The following GNA12 variants were observed in gnomAD, a reference collection of about 807,000 sequenced individuals.
GNA12 encodes G protein subunit alpha 12, also known as guanine nucleotide-binding protein subunit alpha-12.
A neutral mutation model predicts 26.0 loss-of-function variants in GNA12; 9 were observed. The ratio of observed to expected loss-of-function variants is 0.35; its 90% CI spans 0.21 to 0.60. The LOEUF is 0.60. GNA12 is among the 20% of genes least tolerant of loss of function. GNA12 has a pLI of 0.78. For missense variants in GNA12, 405 were observed against 525.8 expected (o/e 0.77, Z 2.25); for synonymous variants, 264 against 219.6 (o/e 1.20, Z -1.79).
Position 2,798,097 on chromosome 7 carries a change from A to G in GNA12, c.310-2954T>C, listed in dbSNP as rs933496053. ...ACACTAGGAAAAGACAAAGATGCCT[A>G]CTTCTGCTACTGCTATTCAACATGG... On this transcript the variant is annotated intron_variant, in intron 1 of 3. Transcript: ENST00000275364. Among the ~76,000 whole-genome samples the G allele has an allele frequency of 4.6e-5, 7 of 152,176 alleles. No homozygotes were observed. The East Asian group carries it at 1.2e-3, about 25-fold the overall frequency.
chr7:2,775,404 G>A (rs1356377021), intron 2 of GNA12: 2 of 152,198 alleles, frequency 1.3e-5, no homozygotes, highest in Non-Finnish European at 2.9e-5. Context: ...TCTGGAAGAC[G>A]AAGAGTGGGA....
intron 1 of GNA12, among the ~76,000 whole-genome samples, chr7:2,827,105 T>C (rs900045048): frequency 6.6e-6 from 1 of 152,214 alleles, no homozygotes; most frequent in Admixed American, 6.5e-5. Flanking sequence ...AGTATATTAA[T>C]TTTAAAAAAG....
chr7:2,778,662 C>T (rs958068214), intron 2 of GNA12, among the ~76,000 whole-genome samples: 2 of 152,170 alleles, frequency 1.3e-5, no homozygotes, highest in African/African-American at 4.8e-5. Flanking sequence ...AATCAGAGAG[C>T]CAGGTAGGTA....
intron 2 of GNA12, among the ~76,000 whole-genome samples, chr7:2,753,105 G>A (rs560777353): frequency 9.9e-5 from 15 of 151,716 alleles, no homozygotes; most frequent in African/African-American, 3.6e-4. Context: ...TGTTCCTATA[G>A]TTTTGCCTTT....
chr7:2,815,032 CCT>C lies in GNA12; in HGVS notation c.310-19891_310-19890del, dbSNP rs544894661. 5.1e-4 allele frequency: 772 copies of C among 1,501,782 alleles called. 12 individuals are homozygous for C. The South Asian group carries it at 8.1e-3, about 16-fold the overall frequency. The allele number at this position is 1,501,782 out of a possible 1,614,324, so 93.0% of individuals were successfully genotyped here. ...TCGCCCCTTCCACCCAATCCAGTCCCCTGTCAAAGCCACCAAGCGCCGCCACT... is the reference window on the plus strand; with the variant it reads ...TCGCCCCTTCCACCCAATCCAGTCCCGTCAAAGCCACCAAGCGCCGCCACT... On this transcript the variant is annotated intron_variant, in intron 1 of 3. Coordinates refer to ENST00000275364, the MANE Select transcript of GNA12 (RefSeq NM_007353.3).
chr7:2,776,568 G>T (rs1388999504), intron 2 of GNA12, among the ~76,000 whole-genome samples: 1 of 152,204 alleles, frequency 6.6e-6, no homozygotes, highest in African/African-American at 2.4e-5. Context: ...CCTGTTTTGT[G>T]GATCAGGGAA....
rs41305918 is a variant in GNA12, at chr7:2,731,795, G to C, written c.577-45C>G. 4.9e-6 allele frequency: 5 copies of C among 1,013,358 alleles called. No homozygotes were observed. The Admixed American group carries it at 7.8e-5, about 16-fold the overall frequency. 62.8% of individuals were successfully genotyped at this position (1,013,358 alleles called of 1,614,324 possible). A position where few individuals can be genotyped will look rare whatever the true frequency, so the allele number is the denominator to read the frequency against. On this transcript the variant is annotated intron_variant, in intron 3 of 3. Coordinates refer to ENST00000275364, the MANE Select transcript of GNA12 (RefSeq NM_007353.3). This position sits in a 1 kb window ranked among gnomAD's most constrained non-coding sequence, Gnocchi z 6.0. ...GCAGAAATTTAGGGGGAGGAAGAAA[G>C]AACAGAGAAAATAGAAACAAAAAGA...
At chr7:2,776,121 C>A (rs1172730558) in intron 2 of GNA12, among the ~76,000 whole-genome samples, 1 of 152,206 alleles carries the variant, frequency 6.6e-6, no homozygotes, top group African/African-American at 2.4e-5. Flanking sequence ...GCCTCAACCT[C>A]CTGGGCTTCA....
At chr7:2,755,357 T>A (rs1377926403) in intron 2 of GNA12, among the ~76,000 whole-genome samples, 1 of 152,236 alleles carries the variant, frequency 6.6e-6, no homozygotes, top group Non-Finnish European at 1.5e-5. Context: ...AGAACAGACA[T>A]CTTGACAGCA....
At chr7:2,749,480 G>A (rs1013466661) in intron 2 of GNA12, among the ~76,000 whole-genome samples, 1 of 145,116 alleles carries the variant, frequency 6.9e-6, no homozygotes, top group African/African-American at 2.5e-5. Context: ...ATGGACACGG[G>A]AAGGGGAACA....
At position 2,733,511 on chromosome 7, in the gene GNA12, AG is replaced by A; in HGVS notation, c.526-11del. On this transcript the variant is annotated splice_polypyrimidine_tract_variant and intron_variant, in intron 2 of 3. Coordinates refer to ENST00000275364, the MANE Select transcript of GNA12 (RefSeq NM_007353.3). Reference sequence around the variant, plus strand: ...ACTTCACCGACTCCCCCTGTCAGGAAGGAAGAATATTCACAGCTCAGTCTGG... The same window carrying A: ...ACTTCACCGACTCCCCCTGTCAGGAAGAAGAATATTCACAGCTCAGTCTGG... The A allele has an allele frequency of 1.2e-6, 2 of 1,611,562 alleles. No individual in the cohort carries two copies. The highest frequency in any genetic ancestry group is 1.7e-6 in the Non-Finnish European group (2 of 1,177,802).
chr7:2,834,275 G>C (rs1349130769), intron 1 of GNA12, among the ~76,000 whole-genome samples: 2 of 152,218 alleles, frequency 1.3e-5, no homozygotes, highest in Non-Finnish European at 2.9e-5. Context: ...TTCTCCACTT[G>C]CTGAAATCCT....
chr7:2,733,633 AG>A (rs1790012998), intron 2 of GNA12, 132 bp from the exon 3 acceptor site: 2 of 700,758 alleles, frequency 2.9e-6, no homozygotes, highest in Non-Finnish European at 5.2e-6. Context: ...GGAAAAAGGC[AG>A]AGAGTGTCCG....
At chr7:2,735,824 G>A (rs961174198) in intron 2 of GNA12, among the ~76,000 whole-genome samples, 36 of 152,164 alleles carry the variant, frequency 2.4e-4, no homozygotes, top group Admixed American at 1.9e-3. Flanking sequence ...CAGGGGGTCC[G>A]TGGGAAAGCT....
At chr7:2,816,048 G>A (rs1016183817) in intron 1 of GNA12, among the ~76,000 whole-genome samples, 3 of 152,356 alleles carry the variant, frequency 2.0e-5, no homozygotes, top group Middle Eastern at 3.4e-3. Flanking sequence ...GACCCTGGCC[G>A]CCGCGCACGG....
At chr7:2,740,507 T>C (rs1207504389) in intron 2 of GNA12, among the ~76,000 whole-genome samples, 1 of 152,134 alleles carries the variant, frequency 6.6e-6, no homozygotes, top group Non-Finnish European at 1.5e-5. Flanking sequence ...ATTTCCAATC[T>C]CCAGAGCTGT....
At chr7:2,802,972 C>T (rs572463274) in intron 1 of GNA12, among the ~76,000 whole-genome samples, 9 of 152,296 alleles carry the variant, frequency 5.9e-5, no homozygotes, top group African/African-American at 1.9e-4. Context: ...ATTTGCCTTC[C>T]GCAACAAATG....
intron 2 of GNA12, among the ~76,000 whole-genome samples, chr7:2,787,697 C>G (rs1027872312): frequency 7.2e-5 from 11 of 152,250 alleles, no homozygotes; most frequent in African/African-American, 2.7e-4. Flanking sequence ...ATTCTTGACA[C>G]TGGCCAGGCA....
chr7:2,827,587 G>A (rs1793513768), intron 1 of GNA12, among the ~76,000 whole-genome samples: 1 of 152,266 alleles, frequency 6.6e-6, no homozygotes, highest in Middle Eastern at 3.4e-3. Context: ...ACCACGCTGA[G>A]GACAGTGGGG....
Sources: gnomAD v4.1 joint callset for allele counts (sites outside exome capture counted in the v4.1 genomes callset) on GRCh38, gnomAD v4.1.1 for gene constraint, Gnocchi (gnomAD v3.1) non-coding constraint, MANE v1.5 for transcripts, NCBI Gene and HGNC (gene_info 2026-07-23, HGNC 2026-07-21) for gene names.